CNTN5: variants seen among roughly 807,000 people sequenced by gnomAD.
The protein encoded by CNTN5 is contactin 5.
CNTN5 carries 77 observed loss-of-function variants against 129.1 expected under a neutral mutation model. The ratio of observed to expected loss-of-function variants is 0.60; its 90% confidence interval spans 0.50 to 0.72. The LOEUF (loss-of-function observed/expected upper bound fraction) is 0.72. CNTN5 is among the 30% of genes least tolerant of loss of function. CNTN5 has a pLI of 0.00. For synonymous variants in CNTN5, 509 were observed against 465.6 expected (o/e 1.09, Z -1.20); for missense variants, 1,478 against 1,328.8 (o/e 1.11, Z -1.75).
Position 100,358,548 on chromosome 11 carries a change from C to A in CNTN5, c.*2328C>A, listed in dbSNP as rs1051427483. On this transcript the variant is annotated 3_prime_UTR_variant, in exon 25 of 25. Transcript: ENST00000524871. ...CCAGAAGAGCATTCTTATCAAGGTA[C>A]ATTATTTTTCAGCTACAGTACTGAG... is the stretch of plus-strand genomic sequence containing the variant. The A allele has an allele frequency of 2.0e-4, 30 of 151,792 alleles. No individual in the cohort carries two copies. The highest frequency in any genetic ancestry group is 6.8e-4 in the African/African-American group (28 of 41,370). The allele number at this position is 151,792 out of a possible 1,614,324, so 9.4% of individuals were successfully genotyped here. A position where few individuals can be genotyped will look rare whatever the true frequency, so the allele number is the denominator to read the frequency against.
At chr11:99,463,193 C>CT (rs1168076288) in intron 2 of CNTN5, among the ~76,000 whole-genome samples, 1 of 150,830 alleles carries the variant, frequency 6.6e-6, no homozygotes, top group Non-Finnish European at 1.5e-5. Flanking sequence ...AATCCCAGCA[C>CT]TTTGGGAGGC....
At chr11:99,317,384 T>A (rs373107674) in intron 1 of CNTN5, among the ~76,000 whole-genome samples, 3 of 152,200 alleles carry the variant, frequency 2.0e-5, no homozygotes, top group Admixed American at 6.6e-5. Flanking sequence ...TAGTGACAGA[T>A]GTAGCAATAT....
intron 16 of CNTN5, among the ~76,000 whole-genome samples, chr11:100,235,177 A>G (rs1167428202): frequency 6.6e-6 from 1 of 152,260 alleles, no homozygotes; most frequent in Non-Finnish European, 1.5e-5. Flanking sequence ...TGGAAAAATC[A>G]TCCCATTTAT....
At chr11:99,226,555 G>A (rs921700985) in intron 1 of CNTN5, among the ~76,000 whole-genome samples, 2 of 152,022 alleles carry the variant, frequency 1.3e-5, no homozygotes, top group South Asian at 2.1e-4. Context: ...ACTGTACCTC[G>A]ATAACAGGCC....
intron 3 of CNTN5, among the ~76,000 whole-genome samples, chr11:99,561,558 C>T (rs952280340): frequency 6.6e-6 from 1 of 152,048 alleles, no homozygotes; most frequent in African/African-American, 2.4e-5. Flanking sequence ...AAATGGGGGC[C>T]AAAAGAGAAG....
chr11:99,665,117 A>G (rs1027136012), intron 3 of CNTN5, among the ~76,000 whole-genome samples: 11 of 152,218 alleles, frequency 7.2e-5, no homozygotes, highest in African/African-American at 2.7e-4. Context: ...AAGTGTAAAA[A>G]TGTGAATAAT....
At chr11:99,264,031 C>G (rs193106993) in intron 1 of CNTN5, among the ~76,000 whole-genome samples, 268 of 151,912 alleles carry the variant, frequency 1.8e-3, no homozygotes, top group African/African-American at 6.0e-3. Flanking sequence ...TACATAGACC[C>G]TTGCGATTGA....
chr11:99,821,517 A>G (rs1417535505), intron 4 of CNTN5, among the ~76,000 whole-genome samples: 1 of 152,148 alleles, frequency 6.6e-6, no homozygotes, highest in African/African-American at 2.4e-5. Flanking sequence ...CACTTTGATT[A>G]GACAATTTTT....
intron 1 of CNTN5, among the ~76,000 whole-genome samples, chr11:99,102,187 G>A (rs1388694803): frequency 2.0e-5 from 3 of 152,028 alleles, no homozygotes; most frequent in Non-Finnish European, 2.9e-5. Flanking sequence ...TACCTAGACT[G>A]CAGACAGCAG....
chr11:99,906,304 A>G lies in CNTN5; in HGVS notation c.578-9750A>G, dbSNP rs185739895. 2.3e-4 allele frequency among the ~76,000 whole-genome samples: 35 copies of G among 152,236 alleles called. 1 individual carries two copies. The East Asian group carries it at 6.8e-3, about 29-fold the overall frequency. On this transcript the variant is annotated intron_variant, in intron 6 of 24. Coordinates refer to ENST00000524871, the MANE Select transcript of CNTN5 (RefSeq NM_014361.4). ...AAATAGCTCTTATTATTTTGAGATA[A>G]GTTCCATCAGTACCTAGCTTATTGA...
At chr11:100,121,515 G>A (rs1208367885) in intron 13 of CNTN5, among the ~76,000 whole-genome samples, 1 of 151,944 alleles carries the variant, frequency 6.6e-6, no homozygotes, top group Non-Finnish European at 1.5e-5. Flanking sequence ...AGGGGGTGGG[G>A]AGGGCAATTG....
intron 3 of CNTN5, among the ~76,000 whole-genome samples, chr11:99,815,208 A>T (rs1338029858): frequency 6.6e-6 from 1 of 151,068 alleles, no homozygotes; most frequent in African/African-American, 2.4e-5. Context: ...TAGCAAGGGG[A>T]TGCAGCTATA....
intron 18 of CNTN5, among the ~76,000 whole-genome samples, chr11:100,284,915 A>G (rs7108100): frequency 0.86 from 131,483 of 152,198 alleles, 57,228 homozygotes; most frequent in East Asian, 1. Context: ...TTGGAGTTTC[A>G]ACCTGGATTA....
intron 2 of CNTN5, among the ~76,000 whole-genome samples, chr11:99,427,029 C>A (rs1943149292): frequency 1.3e-5 from 2 of 152,148 alleles, no homozygotes; most frequent in Admixed American, 1.3e-4. Flanking sequence ...AACATAAAAT[C>A]TGTTTCTTAG....
chr11:99,244,056 G>T (rs1861700843), intron 1 of CNTN5, among the ~76,000 whole-genome samples: 1 of 152,106 alleles, frequency 6.6e-6, no homozygotes, highest in Non-Finnish European at 1.5e-5. Flanking sequence ...GCTTTAGGCA[G>T]TATGGCCATT....
At chr11:99,195,643 G>T (rs1268842279) in intron 1 of CNTN5, among the ~76,000 whole-genome samples, 1 of 151,648 alleles carries the variant, frequency 6.6e-6, no homozygotes, top group Non-Finnish European at 1.5e-5. Context: ...AATATTATTT[G>T]TTTTAATTTG....
At chr11:99,561,771 G>A (rs905221241) in intron 3 of CNTN5, among the ~76,000 whole-genome samples, 1 of 1,080 alleles carries the variant, frequency 9.3e-4, no homozygotes, top group African/African-American at 1.1e-3. Flanking sequence ...GGAAACTTTT[G>A]CACAGAAAGA....
chr11:99,317,231 T>C (rs562654557), intron 1 of CNTN5, among the ~76,000 whole-genome samples: 1 of 152,292 alleles, frequency 6.6e-6, no homozygotes, highest in Admixed American at 6.5e-5. Flanking sequence ...TTCATGGTTT[T>C]ATGAAATGAA....
chr11:100,015,966 A>T (rs556100051), intron 9 of CNTN5, among the ~76,000 whole-genome samples: 1 of 152,192 alleles, frequency 6.6e-6, no homozygotes, highest in Non-Finnish European at 1.5e-5. Flanking sequence ...GTTCTTCCCA[A>T]TTCAGAATTT....
Sources: allele counts gnomAD v4.1 joint callset (sites outside exome capture counted in the v4.1 genomes callset), GRCh38; gene constraint gnomAD v4.1.1; transcripts MANE v1.5; gene names NCBI Gene and HGNC (gene_info 2026-07-23, HGNC 2026-07-21).